Variants in MAF observed in about 807,000 individuals in gnomAD.
MAF encodes transcription factor Maf.
A neutral mutation model predicts 22.0 loss-of-function variants in MAF; 10 were observed. That is an observed-to-expected ratio of 0.45 (90% CI 0.28 to 0.77). The LOEUF (loss-of-function observed/expected upper bound fraction) is 0.77, where lower values mean the gene tolerates loss of function less well. MAF is among the 30% of genes least tolerant of loss of function. The pLI, the probability that MAF is intolerant of heterozygous loss-of-function variation, is 0.12. For missense variants in MAF, 544 were observed against 548.4 expected, an observed-to-expected ratio of 0.99 and a Z score of 0.08; for synonymous variants, 337 against 255.8, an observed-to-expected ratio of 1.32 and a Z score of -3.03.
the MAF span, among the ~76,000 whole-genome samples, chr16:79,500,158 G>A: frequency 6.6e-6 from 1 of 152,206 alleles, no homozygotes; most frequent in Admixed American, 6.5e-5. Context: ...AGGACTTTGA[G>A]AGAATAAATT....
chr16:79,551,347 T>C, the MAF span, among the ~76,000 whole-genome samples: 1 of 152,188 alleles, frequency 6.6e-6, no homozygotes, highest in Non-Finnish European at 1.5e-5. Context: ...AGCCATTCTC[T>C]GATATGGAGT....
At chr16:79,408,672 C>T in the MAF span, among the ~76,000 whole-genome samples, 1 of 151,694 alleles carries the variant, frequency 6.6e-6, no homozygotes, top group African/African-American at 2.4e-5. Flanking sequence ...TTCCTTCCTC[C>T]CTGTTTTCCC....
the MAF span, among the ~76,000 whole-genome samples, chr16:79,319,811 A>C: frequency 6.6e-6 from 1 of 152,230 alleles, no homozygotes; most frequent in East Asian, 1.9e-4. Flanking sequence ...GAGAGAAACA[A>C]TGACCACATA....
At chr16:79,305,226 G>A in the MAF span, among the ~76,000 whole-genome samples, 2 of 152,210 alleles carry the variant, frequency 1.3e-5, no homozygotes, top group Non-Finnish European at 2.9e-5. Flanking sequence ...TGGGCTCAGT[G>A]ATGAATAAGG....
chr16:79,358,144 G>A, the MAF span, among the ~76,000 whole-genome samples: 1 of 152,200 alleles, frequency 6.6e-6, no homozygotes, highest in African/African-American at 2.4e-5. Context: ...GCAGGGCCAG[G>A]AATTTTTCCC....
chr16:79,311,865 A>T, the MAF span, among the ~76,000 whole-genome samples: 1 of 152,138 alleles, frequency 6.6e-6, no homozygotes, highest in Admixed American at 6.5e-5. Context: ...CCCTGAGAAC[A>T]AAATGGGCAC....
At chr16:79,366,783 C>G in the MAF span, among the ~76,000 whole-genome samples, 1 of 152,172 alleles carries the variant, frequency 6.6e-6, no homozygotes, top group Non-Finnish European at 1.5e-5. Context: ...ATGATCAGAG[C>G]AAGAAATAAG....
At chr16:79,544,189 A>G in the MAF span, among the ~76,000 whole-genome samples, 5 of 152,240 alleles carry the variant, frequency 3.3e-5, no homozygotes, top group Non-Finnish European at 7.3e-5. Context: ...AGGAGCAACT[A>G]TTAAATTTAC....
chr16:79,490,628 A>G, the MAF span, among the ~76,000 whole-genome samples: 1 of 152,156 alleles, frequency 6.6e-6, no homozygotes, highest in African/African-American at 2.4e-5. Flanking sequence ...ACACACACTC[A>G]CACATGCATA....
chr16:79,395,109 G>C, the MAF span, among the ~76,000 whole-genome samples: 1 of 152,172 alleles, frequency 6.6e-6, no homozygotes, highest in Non-Finnish European at 1.5e-5. Flanking sequence ...AAGAGCCAAG[G>C]GCCTGGAGGT....
the MAF span, among the ~76,000 whole-genome samples, chr16:79,542,788 G>A: frequency 3.3e-4 from 51 of 152,252 alleles, no homozygotes; most frequent in African/African-American, 8.9e-4. Context: ...ACTGCTCCTG[G>A]CCTTGGTTAA....
In MAF at chr16:79,587,266, A is replaced by AT. The variant is rs886951820; in HGVS notation, c.1119-1326dup. ...TACTCGCCTTTACGTATTAGTATAC[A>AT]TTTTTTTTTGCCAAATATATAATTT... On this transcript the variant is annotated intron_variant, in intron 1 of 1. Transcript: ENST00000569649. Among the ~76,000 whole-genome samples the AT allele has an allele frequency of 3.8e-3, 580 of 151,426 alleles. 6 individuals carry two copies. The highest frequency in any genetic ancestry group is 0.016 in the East Asian group (83 of 5,176).
chr16:79,535,927 C>T, the MAF span, among the ~76,000 whole-genome samples: 1 of 152,300 alleles, frequency 6.6e-6, no homozygotes, highest in East Asian at 1.9e-4. Flanking sequence ...GTGATACCGC[C>T]ATGAAGTCAA....
At chr16:79,329,258 A>G in the MAF span, among the ~76,000 whole-genome samples, 1 of 152,158 alleles carries the variant, frequency 6.6e-6, no homozygotes, top group Non-Finnish European at 1.5e-5. Flanking sequence ...GTTCCTTATA[A>G]GAAGGGGGCT....
chr16:79,576,406 C>G, the MAF span, among the ~76,000 whole-genome samples: 2 of 152,070 alleles, frequency 1.3e-5, no homozygotes, highest in Non-Finnish European at 2.9e-5. Context: ...CACGGAGGGT[C>G]GTCATGCATG....
chr16:79,511,546 G>A, the MAF span, among the ~76,000 whole-genome samples: 3 of 152,186 alleles, frequency 2.0e-5, no homozygotes, highest in East Asian at 5.8e-4. Context: ...GACGTAGAAT[G>A]CATTTAGAGC....
At chr16:79,307,343 C>T in the MAF span, among the ~76,000 whole-genome samples, 3 of 152,206 alleles carry the variant, frequency 2.0e-5, no homozygotes, top group Admixed American at 6.5e-5. Flanking sequence ...AGGTCCCAGA[C>T]GTGGTTGGTC....
chr16:79,589,618 T>A (rs1183474954), downstream of MAF, among the ~76,000 whole-genome samples: 5 of 151,152 alleles, frequency 3.3e-5, no homozygotes, highest in Non-Finnish European at 7.4e-5. Flanking sequence ...AGTGAGGGGG[T>A]CTCAAGGTGA....
the MAF span, among the ~76,000 whole-genome samples, chr16:79,577,270 C>T: frequency 7.9e-5 from 12 of 152,030 alleles, no homozygotes; most frequent in East Asian, 7.7e-4. Context: ...ATGACAAAGA[C>T]GGAGAGGAGG....
Sources: allele counts gnomAD v4.1 joint callset (sites outside exome capture counted in the v4.1 genomes callset), GRCh38; gene constraint gnomAD v4.1.1; transcripts MANE v1.5; gene names NCBI Gene and HGNC (gene_info 2026-07-23, HGNC 2026-07-21).